PRKD1: variants seen among roughly 807,000 people sequenced by gnomAD.
The protein encoded by PRKD1 is serine/threonine-protein kinase D1.
Under a neutral mutation model 95.9 loss-of-function variants are expected in PRKD1, and 63 were observed. That is an observed-to-expected ratio of 0.66 (90% confidence interval 0.54 to 0.81). The LOEUF (loss-of-function observed/expected upper bound fraction) is 0.81, where lower values mean the gene tolerates loss of function less well. Among genes scored for constraint, PRKD1 ranks in the 30% least tolerant of loss-of-function variants. The pLI, the probability that PRKD1 is intolerant of heterozygous loss-of-function variation, is 0.00. For missense variants in PRKD1, 1,048 were observed against 1,165.3 expected, an observed-to-expected ratio of 0.90 and a Z score of 1.47; for synonymous variants, 425 against 423.1, an observed-to-expected ratio of 1.00 and a Z score of -0.05.
intron 1 of PRKD1, among the ~76,000 whole-genome samples, chr14:29,786,986 G>A (rs533201033): frequency 6.6e-6 from 1 of 151,654 alleles, no homozygotes; most frequent in East Asian, 1.9e-4. Flanking sequence ...TCTCCCTCTT[G>A]GCAGTGCTCT....
At chr14:29,732,772 G>A (rs1368184069) in intron 1 of PRKD1, among the ~76,000 whole-genome samples, 1 of 151,986 alleles carries the variant, frequency 6.6e-6, no homozygotes, top group Non-Finnish European at 1.5e-5. Flanking sequence ...TAATTCCCTT[G>A]TCTCCTGCTT....
intron 1 of PRKD1, among the ~76,000 whole-genome samples, chr14:29,875,907 C>A (rs936073536): frequency 1.3e-5 from 2 of 152,188 alleles, no homozygotes; most frequent in Non-Finnish European, 2.9e-5. Context: ...ACTGCCAAAT[C>A]CATTCCCTCC....
At chr14:29,906,538 A>G (rs1324386422) in intron 1 of PRKD1, among the ~76,000 whole-genome samples, 1 of 152,168 alleles carries the variant, frequency 6.6e-6, no homozygotes, top group Non-Finnish European at 1.5e-5. Flanking sequence ...TAACCAAAAA[A>G]AAAAAGCTAA....
chr14:29,781,530 G>A (rs1459627197), intron 1 of PRKD1, among the ~76,000 whole-genome samples: 1 of 152,170 alleles, frequency 6.6e-6, no homozygotes, highest in Admixed American at 6.5e-5. Context: ...GAATAGTCAG[G>A]GAGGCACCTG....
chr14:29,842,823 G>A (rs898772447), intron 1 of PRKD1, among the ~76,000 whole-genome samples: 1 of 152,142 alleles, frequency 6.6e-6, no homozygotes, highest in Non-Finnish European at 1.5e-5. Context: ...TTTTCTGAAA[G>A]ACTCCTGGGA....
intron 1 of PRKD1, among the ~76,000 whole-genome samples, chr14:29,765,596 T>C (rs1280519227): frequency 1.3e-5 from 2 of 152,186 alleles, no homozygotes; most frequent in Non-Finnish European, 2.9e-5. Flanking sequence ...CATAGAAGCA[T>C]TGTTGTTGGC....
intron 16 of PRKD1, among the ~76,000 whole-genome samples, chr14:29,587,627 G>C (rs971132204): frequency 1.3e-5 from 2 of 152,136 alleles, no homozygotes; most frequent in African/African-American, 4.8e-5. Context: ...CTCATGAACT[G>C]TATTTTGCTT....
chr14:29,790,834 T>C (rs1889511349), intron 1 of PRKD1, among the ~76,000 whole-genome samples: 1 of 152,214 alleles, frequency 6.6e-6, no homozygotes, highest in Non-Finnish European at 1.5e-5. Context: ...TTTTAAAGAG[T>C]AGATCTTAAT....
intron 1 of PRKD1, among the ~76,000 whole-genome samples, chr14:29,726,798 A>AC (rs1378856961): frequency 6.6e-6 from 1 of 152,012 alleles, no homozygotes; most frequent in Non-Finnish European, 1.5e-5. Context: ...AAAAAAAAAA[A>AC]ACACAACAGC....
intron 4 of PRKD1, chr14:29,656,495 G>A: frequency 6.5e-7 from 1 of 1,535,784 alleles, no homozygotes; most frequent in Non-Finnish European, 8.7e-7. Context: ...AGGACTCACA[G>A]GAGACTGAAA....
At chr14:29,701,793 T>C (rs913511517) in intron 2 of PRKD1, among the ~76,000 whole-genome samples, 3 of 152,186 alleles carry the variant, frequency 2.0e-5, no homozygotes, top group Non-Finnish European at 4.4e-5. Context: ...TTGGTAACTA[T>C]ATCTTTTTGA....
chr14:29,845,651 C>T (rs1892050425), intron 1 of PRKD1, among the ~76,000 whole-genome samples: 1 of 152,020 alleles, frequency 6.6e-6, no homozygotes, highest in African/African-American at 2.4e-5. Flanking sequence ...ACTAATACAA[C>T]TAAAAAAAAT....
rs1267944711 is a variant in PRKD1 at position 29,677,971 on chromosome 14, T to C, written c.404-11763A>G. Among the ~76,000 whole-genome samples the C allele has an allele frequency of 2.6e-5, 4 of 152,350 alleles. No homozygotes were observed. The South Asian group carries it at 8.3e-4, about 32-fold the overall frequency. ...TTCCTTATTATTTTAAAAGGGGACATTTTTATTTCTAACCAATGATTTTTC... is the reference window on the plus strand; with the variant it reads ...TTCCTTATTATTTTAAAAGGGGACACTTTTATTTCTAACCAATGATTTTTC... On this transcript the variant is annotated intron_variant, in intron 2 of 17. Coordinates refer to ENST00000331968, the MANE Select transcript of PRKD1 (RefSeq NM_002742.3).
intron 1 of PRKD1, among the ~76,000 whole-genome samples, chr14:29,776,134 AC>A (rs1888742105): frequency 6.6e-6 from 1 of 152,108 alleles, no homozygotes; most frequent in Non-Finnish European, 1.5e-5. Context: ...CCACACCAAA[AC>A]CCCATCAGTA....
intron 1 of PRKD1, among the ~76,000 whole-genome samples, chr14:29,845,333 C>T (rs542140882): frequency 7.4e-4 from 112 of 152,272 alleles, no homozygotes; most frequent in Non-Finnish European, 1.3e-3. Flanking sequence ...AGGAGCTATA[C>T]TATCTTAGAC....
chr14:29,607,470 G>A (rs965795202), intron 13 of PRKD1, among the ~76,000 whole-genome samples: 1 of 152,144 alleles, frequency 6.6e-6, no homozygotes, highest in South Asian at 2.1e-4. Context: ...AGGGAGAACC[G>A]CTTCCAAGCT....
chr14:29,791,114 C>T (rs570901953), intron 1 of PRKD1, among the ~76,000 whole-genome samples: 4 of 152,242 alleles, frequency 2.6e-5, no homozygotes, highest in Non-Finnish European at 5.9e-5. Context: ...AGTGTATAAA[C>T]CAATCTTTAA....
At chr14:29,815,157 GA>G (rs965713432) in intron 1 of PRKD1, among the ~76,000 whole-genome samples, 1 of 151,874 alleles carries the variant, frequency 6.6e-6, no homozygotes, top group Non-Finnish European at 1.5e-5. Context: ...AATCATCAAG[GA>G]AAAAAAATTC....
chr14:29,734,822 C>T (rs932597261), intron 1 of PRKD1, among the ~76,000 whole-genome samples: 1 of 152,094 alleles, frequency 6.6e-6, no homozygotes, highest in African/African-American at 2.4e-5. Context: ...CATTATTGTT[C>T]CCCCAAAATC....
Sources: allele counts gnomAD v4.1 joint callset (sites outside exome capture counted in the v4.1 genomes callset), GRCh38; gene constraint gnomAD v4.1.1; transcripts MANE v1.5; gene names NCBI Gene and HGNC (gene_info 2026-07-23, HGNC 2026-07-21).